Variants in GPSM2 observed in about 807,000 individuals in gnomAD.
The protein encoded by GPSM2 is G protein signaling modulator 2, also known as G protein-signaling modulator 2.
In GPSM2, 58 loss-of-function variants were observed where a neutral mutation model predicts 78.4. The ratio of observed to expected loss-of-function variants is 0.74; its 90% CI spans 0.60 to 0.92. The LOEUF is 0.92. Among genes scored for constraint, GPSM2 ranks in the 40% least tolerant of loss-of-function variants. The pLI is 0.00. For synonymous variants in GPSM2, 224 were observed against 280.2 expected (o/e 0.80, Z 2.00); for missense variants, 700 against 815.5 (o/e 0.86, Z 1.73).
intron 12 of GPSM2, among the ~76,000 whole-genome samples, chr1:108,919,600 T>C (rs774679851): frequency 1.1e-4 from 17 of 152,082 alleles, no homozygotes; most frequent in Non-Finnish European, 1.5e-5. Context: ...TAGCCAGGTA[T>C]GGTGGTATAT....
chr1:108,925,625 A>T (rs1477834986), intron 14 of GPSM2, among the ~76,000 whole-genome samples: 2 of 152,168 alleles, frequency 1.3e-5, no homozygotes, highest in Non-Finnish European at 2.9e-5. Flanking sequence ...AACCTGAGTC[A>T]GATGATGACG....
At position 108,930,078 on chromosome 1, in the gene GPSM2, A is replaced by T; in HGVS notation, c.*138A>T. 1.2e-6 allele frequency: 1 copy of T among 805,300 alleles called. No individual in the cohort carries two copies. 49.9% of individuals were successfully genotyped at this position (805,300 alleles called of 1,614,324 possible). ...ATGATGTAAATAGTTAACCTTCAGTAGTCTATTAAGGCATTAATACTTCTC... is the reference window on the plus strand; with the variant it reads ...ATGATGTAAATAGTTAACCTTCAGTTGTCTATTAAGGCATTAATACTTCTC... On this transcript the variant is annotated 3_prime_UTR_variant, in exon 15 of 15. Transcript: ENST00000264126.
intron 2 of GPSM2, among the ~76,000 whole-genome samples, chr1:108,895,342 G>GAT (rs1415850386): frequency 1.3e-5 from 2 of 152,348 alleles, no homozygotes; most frequent in Non-Finnish European, 2.9e-5. Context: ...CTCAAAGAGT[G>GAT]ATATGTATGC....
chr1:108,920,550 G>T (rs561113805), intron 12 of GPSM2, among the ~76,000 whole-genome samples: 3 of 151,710 alleles, frequency 2.0e-5, no homozygotes, highest in South Asian at 4.2e-4. Context: ...TTAAATTAGA[G>T]ATTTCTTTTG....
intron 14 of GPSM2, among the ~76,000 whole-genome samples, chr1:108,927,309 T>C (rs1651181100): frequency 6.6e-6 from 1 of 152,186 alleles, no homozygotes; most frequent in South Asian, 2.1e-4. Context: ...CTAAAATTCA[T>C]ATAGAACCTC....
At chr1:108,907,755 C>A (rs1649356458) in intron 10 of GPSM2, among the ~76,000 whole-genome samples, 1 of 152,030 alleles carries the variant, frequency 6.6e-6, no homozygotes, top group Non-Finnish European at 1.5e-5. Context: ...TTCTGTTATC[C>A]TTAATTTACA....
chr1:108,877,538 C>T (rs1665693713), intron 1 of GPSM2: 1 of 148,518 alleles, frequency 6.7e-6, no homozygotes. Context: ...AAGATAAAAA[C>T]TATACTAGAG....
Position 108,929,647 on chromosome 1 carries a change from C to T in GPSM2, c.1816-54C>T, listed in dbSNP as rs1651554359. ...GTTGTGACTGAGAGATTTAACATAG[C>T]TTGGTGCTTTCTTTCCCACAGTATG... is the stretch of plus-strand genomic sequence containing the variant. On this transcript the variant is annotated intron_variant, in intron 14 of 14. Transcript: ENST00000264126. 3.2e-6 allele frequency: 5 copies of T among 1,561,842 alleles called. No homozygotes were observed. The East Asian group carries it at 1.1e-4, about 35-fold the overall frequency.
At position 108,931,324 on chromosome 1, in the gene GPSM2, AGTTT is replaced by A. The variant is rs1651920586; in HGVS notation, c.*1385_*1388del. On this transcript the variant is annotated 3_prime_UTR_variant, in exon 15 of 15. Coordinates refer to ENST00000264126, the MANE Select transcript of GPSM2 (RefSeq NM_013296.5). ...CTTCCTTATCCCAGATATTGAAGGC[AGTTT>A]ACAAGGGGATGATAACAAAGTAACT... 1 of 1,547,946 alleles carries A rather than the reference AGTTT, an allele frequency of 6.5e-7. No individual in the cohort carries two copies. The highest frequency in any genetic ancestry group is 8.7e-7 in the Non-Finnish European group (1 of 1,145,418).
At chr1:108,929,649 T>TG in intron 14 of GPSM2, 52 bp from the exon 15 acceptor site, 1 of 1,569,812 alleles carries the variant, frequency 6.4e-7, no homozygotes, top group Non-Finnish European at 8.8e-7. Context: ...TAACATAGCT[T>TG]GGTGCTTTCT....
Position 108,896,952 on chromosome 1 carries a change from G to A in GPSM2, c.145G>A (p.Ala49Thr). ...DCRAGVSFFE[A>T]AVQVGTEDLK... ...CCGCGCTGGCGTGTCATTCTTTGAA[G>A]CTGCAGTTCAAGTTGGAACTGAAGA... Residue 49 changes from alanine (A) to threonine (T), a missense_variant, in exon 3 of 15, where the codon GCT becomes ACT. Transcript: ENST00000264126. The A allele has an allele frequency of 6.2e-7, 1 of 1,614,042 alleles. No homozygotes were observed. The highest frequency in any genetic ancestry group is 1.1e-5 in the South Asian group (1 of 91,084).
Position 108,931,073 on chromosome 1 carries a change from G to T in GPSM2, c.*1133G>T. The T allele has an allele frequency of 3.6e-6, 1 of 274,520 alleles. No individual in the cohort carries two copies. Among genetic ancestry groups the T allele is most frequent in the Non-Finnish European group, 6.9e-6 (1 of 144,650 alleles). 17.0% of individuals were successfully genotyped at this position (274,520 alleles called of 1,614,324 possible). A position where few individuals can be genotyped will look rare whatever the true frequency, so the allele number is the denominator to read the frequency against. On this transcript the variant is annotated 3_prime_UTR_variant, in exon 15 of 15. Coordinates refer to ENST00000264126, the MANE Select transcript of GPSM2 (RefSeq NM_013296.5). ...TCTCTAGAAAACAAGTATCTTTTGT[G>T]TGTTTTGGGCTGTTTAAAAAAATTA...
In GPSM2 at chr1:108,886,020, T is replaced by A. The variant is rs536159797; in HGVS notation, c.56+442T>A. Among the ~76,000 whole-genome samples the A allele has an allele frequency of 2.5e-4, 38 of 152,122 alleles. No individual in the cohort carries two copies. The South Asian group carries it at 6.8e-3, about 27-fold the overall frequency. On this transcript the variant is annotated intron_variant, in intron 2 of 14. Transcript: ENST00000264126. ...GTAGTGTATTGTTTTGATTCCCTTC[T>A]CATTTCCTTTTTTTGTATATTTTTT...
At chr1:108,906,704 C>G (rs890952729) in intron 10 of GPSM2, among the ~76,000 whole-genome samples, 4 of 152,068 alleles carry the variant, frequency 2.6e-5, no homozygotes, top group Non-Finnish European at 4.4e-5. Context: ...ATGGCAAAAC[C>G]CCATCTCTAC....
intron 10 of GPSM2, among the ~76,000 whole-genome samples, chr1:108,906,463 G>A (rs1022976756): frequency 1.3e-5 from 2 of 151,220 alleles, no homozygotes; most frequent in Non-Finnish European, 2.9e-5. Context: ...ATAAGCTACC[G>A]ACAGCTCCCA....
In GPSM2 at chr1:108,931,262, G is replaced by A; in HGVS notation, c.*1322G>A. The A allele has an allele frequency of 1.4e-6, 2 of 1,443,726 alleles. No individual in the cohort carries two copies. The highest frequency in any genetic ancestry group is 1.4e-5 in the South Asian group (1 of 69,926). 89.4% of individuals were successfully genotyped at this position (1,443,726 alleles called of 1,614,324 possible). A position where few individuals can be genotyped will look rare whatever the true frequency, so the allele number is the denominator to read the frequency against. ...TCACAAAAATTAAATATGAAAGAAA[G>A]ATGTCAGCTAGAACCTTAGTTGTCA... On this transcript the variant is annotated 3_prime_UTR_variant, in exon 15 of 15. Transcript: ENST00000264126.
chr1:108,908,879 C>G (rs1570924884), intron 10 of GPSM2, among the ~76,000 whole-genome samples: 1 of 151,616 alleles, frequency 6.6e-6, no homozygotes, highest in Non-Finnish European at 1.5e-5. Context: ...TGGCATGAGC[C>G]TGTCATCCCA....
chr1:108,933,856 G>A lies in GPSM2; in HGVS notation c.*3916G>A, dbSNP rs972357159. 1 of 152,044 alleles carries A rather than the reference G, an allele frequency of 6.6e-6. No individual in the cohort carries two copies. Among genetic ancestry groups the A allele is most frequent in the African/African-American group, 2.4e-5 (1 of 41,368 alleles). The allele number at this position is 152,044 out of a possible 1,614,324, so 9.4% of individuals were successfully genotyped here. A position where few individuals can be genotyped will look rare whatever the true frequency, so the allele number is the denominator to read the frequency against. On this transcript the variant is annotated 3_prime_UTR_variant, in exon 15 of 15. Coordinates refer to ENST00000264126, the MANE Select transcript of GPSM2 (RefSeq NM_013296.5). The stretch of plus-strand genomic sequence containing the variant: ...ATCTCTAAAAATGCAAACTTCCTAT[G>A]GACAAGACAATATGATTTGCTATAA...
At chr1:108,891,684 TG>T (rs1647982158) in intron 2 of GPSM2, among the ~76,000 whole-genome samples, 1 of 149,242 alleles carries the variant, frequency 6.7e-6, no homozygotes, top group African/African-American at 2.5e-5. Context: ...TTTTTTTTTT[TG>T]GTGGAGATGG....
Sources: gnomAD v4.1 joint callset for allele counts (sites outside exome capture counted in the v4.1 genomes callset) on GRCh38, gnomAD v4.1.1 for gene constraint, MANE v1.5 for transcripts, NCBI Gene and HGNC (gene_info 2026-07-23, HGNC 2026-07-21) for gene names.